The following OPCML variants were observed in gnomAD, a reference collection of about 807,000 sequenced individuals.
The protein encoded by OPCML is opioid binding protein/cell adhesion molecule like.
In OPCML, 13 loss-of-function variants were observed where a neutral mutation model predicts 37.8. The observed-to-expected ratio is 0.34, with a 90% CI of 0.22 to 0.55. The LOEUF (loss-of-function observed/expected upper bound fraction) is 0.55. OPCML is among the 20% of genes least tolerant of loss of function. The pLI is 0.91. For missense variants in OPCML, 341 were observed against 435.6 expected (o/e 0.78, Z 1.93); for synonymous variants, 176 against 168.8 (o/e 1.04, Z -0.33).
intron 2 of OPCML, among the ~76,000 whole-genome samples, chr11:132,865,018 T>C (rs1387696690): frequency 6.6e-6 from 1 of 152,258 alleles, no homozygotes. Flanking sequence ...ACTTGGGCAT[T>C]AGCTCCGCAA....
rs112736789 is a variant in OPCML at position 133,293,633 on chromosome 11, C to A, written c.61+238631G>T. Among the ~76,000 whole-genome samples the A allele has an allele frequency of 7.6e-4, 116 of 152,276 alleles. 1 individual carries two copies. The highest frequency in any genetic ancestry group is 2.7e-3 in the African/African-American group (114 of 41,560). On this transcript the variant is annotated intron_variant, in intron 1 of 7. Transcript: ENST00000524381. Reference sequence around the variant, plus strand: ...GGATCTGAGTTCTGGACTCAGCCCACACATGGTCACCTTCAGCATCTCAGT... The same window carrying A: ...GGATCTGAGTTCTGGACTCAGCCCAAACATGGTCACCTTCAGCATCTCAGT...
At chr11:133,003,597 A>T (rs1947052499) in intron 1 of OPCML, 1 of 950,366 alleles carries the variant, frequency 1.1e-6, no homozygotes, top group Admixed American at 6.2e-5. Context: ...TAGAAGTTGG[A>T]TATTGGCTGG....
chr11:132,488,016 G>T (rs557626631), intron 4 of OPCML, among the ~76,000 whole-genome samples: 4 of 152,304 alleles, frequency 2.6e-5, no homozygotes, highest in African/African-American at 9.6e-5. Flanking sequence ...GTTGGCTCCA[G>T]CCTACCTTTG....
chr11:132,509,314 T>C (rs2096263794), intron 4 of OPCML, among the ~76,000 whole-genome samples: 2 of 152,104 alleles, frequency 1.3e-5, no homozygotes, highest in Non-Finnish European at 2.9e-5. Flanking sequence ...AGCATAAATG[T>C]TCAGAAAATT....
chr11:133,068,886 G>C (rs1040188130), intron 1 of OPCML, among the ~76,000 whole-genome samples: 2 of 152,170 alleles, frequency 1.3e-5, no homozygotes, highest in African/African-American at 2.4e-5. Context: ...CAAAGAGGTA[G>C]GTGGCGTCGG....
chr11:133,345,388 T>C (rs1943974651), intron 1 of OPCML, among the ~76,000 whole-genome samples: 1 of 152,224 alleles, frequency 6.6e-6, no homozygotes, highest in Non-Finnish European at 1.5e-5. Context: ...GAATCATGCA[T>C]CTCGAGGAAT....
At chr11:133,448,231 C>A (rs1946510744) in intron 1 of OPCML, among the ~76,000 whole-genome samples, 1 of 152,074 alleles carries the variant, frequency 6.6e-6, no homozygotes, top group African/African-American at 2.4e-5. Context: ...AGACAGTGGT[C>A]AAAATTAATC....
In OPCML at chr11:132,936,946, A is replaced by T. The variant is rs115288621; in HGVS notation, c.146+5980T>A. 7.6e-3 allele frequency among the ~76,000 whole-genome samples: 1,157 copies of T among 151,984 alleles called. 17 individuals are homozygous for T. The highest frequency in any genetic ancestry group is 0.027 in the African/African-American group (1,099 of 41,394). On this transcript the variant is annotated intron_variant, in intron 2 of 7. Coordinates refer to ENST00000524381, the MANE Select transcript of OPCML (RefSeq NM_001012393.5). ...AATTTGGTGCTGTCTTGTATATGTT[A>T]AAAAAAAGGAAGAAAGAAAATGAAG...
intron 1 of OPCML, among the ~76,000 whole-genome samples, chr11:133,207,119 T>TAAAAAAAA (rs71038525): frequency 3.0e-5 from 3 of 99,684 alleles, no homozygotes; most frequent in Non-Finnish European, 5.8e-5. Context: ...AACCCTCTAC[T>TAAAAAAAA]AAAAAAAAAA....
chr11:133,041,792 C>T (rs953779798), intron 1 of OPCML, among the ~76,000 whole-genome samples: 1 of 152,166 alleles, frequency 6.6e-6, no homozygotes, highest in Non-Finnish European at 1.5e-5. Flanking sequence ...CCTGAAGTCA[C>T]AGCATTTCTG....
chr11:132,422,176 T>C (rs1008606931), intron 7 of OPCML, among the ~76,000 whole-genome samples: 5 of 152,144 alleles, frequency 3.3e-5, no homozygotes, highest in Non-Finnish European at 5.9e-5. Context: ...TAAGAAACAA[T>C]TGAAGCCCTG....
chr11:133,093,238 C>T (rs1016997679), intron 1 of OPCML, among the ~76,000 whole-genome samples: 2 of 151,578 alleles, frequency 1.3e-5, no homozygotes, highest in African/African-American at 2.4e-5. Context: ...CAACCTTTCC[C>T]CTGCGTCCCC....
At chr11:133,435,080 T>A (rs185876110) in intron 1 of OPCML, among the ~76,000 whole-genome samples, 277 of 152,076 alleles carry the variant, frequency 1.8e-3, no homozygotes, top group Non-Finnish European at 3.4e-3. Flanking sequence ...GCCAGATTTA[T>A]TTTAATAGCT....
At chr11:132,687,354 C>T (rs1297169409) in intron 2 of OPCML, among the ~76,000 whole-genome samples, 1 of 103,068 alleles carries the variant, frequency 9.7e-6, no homozygotes, top group Non-Finnish European at 1.8e-5. Flanking sequence ...ATATAAACTG[C>T]TCTGCCTTAA....
rs892590467 is a variant in OPCML at position 133,123,904 on chromosome 11, T to C, written c.62-180894A>G. Among the ~76,000 whole-genome samples the C allele has an allele frequency of 3.9e-5, 6 of 152,274 alleles. No homozygotes were observed. In the East Asian group the frequency reaches 1.2e-3, roughly 29 times the overall value. On this transcript the variant is annotated intron_variant, in intron 1 of 7. Coordinates refer to ENST00000524381, the MANE Select transcript of OPCML (RefSeq NM_001012393.5). The stretch of plus-strand genomic sequence containing the variant: ...ATAAAACCAGAAGGAGGAAGTGGGA[T>C]ATACTGAGCGGTCTCTGTGCCAGAC...
At chr11:132,911,000 A>G (rs11826270) in intron 2 of OPCML, among the ~76,000 whole-genome samples, 5,248 of 152,314 alleles carry the variant, frequency 0.034, 291 homozygotes, top group African/African-American at 0.12. Flanking sequence ...TCTAATTTAT[A>G]AGATGCAGAG....
At chr11:132,571,623 T>C (rs901396050) in intron 3 of OPCML, among the ~76,000 whole-genome samples, 3 of 152,202 alleles carry the variant, frequency 2.0e-5, no homozygotes, top group Non-Finnish European at 4.4e-5. Context: ...TAACTCTGAG[T>C]ACTATTCTAT....
intron 3 of OPCML, among the ~76,000 whole-genome samples, chr11:132,653,596 C>T (rs183237110): frequency 2.0e-5 from 3 of 152,142 alleles, no homozygotes; most frequent in Non-Finnish European, 2.9e-5. Context: ...ATCAGTGACA[C>T]GATTTTAATG....
chr11:132,513,621 C>T (rs76070091), intron 4 of OPCML, among the ~76,000 whole-genome samples: 1 of 152,128 alleles, frequency 6.6e-6, no homozygotes, highest in Non-Finnish European at 1.5e-5. Flanking sequence ...CTTCTCTTAT[C>T]TCCATTGCCT....
Sources: allele counts gnomAD v4.1 joint callset (sites outside exome capture counted in the v4.1 genomes callset), GRCh38; gene constraint gnomAD v4.1.1; transcripts MANE v1.5; gene names NCBI Gene and HGNC (gene_info 2026-07-23, HGNC 2026-07-21).